Variants in ATP8A2 observed in about 807,000 individuals in gnomAD.
ATP8A2 encodes the protein ATPase phospholipid transporting 8A2, also known as phospholipid-transporting ATPase IB.
Under a neutral mutation model 165.6 loss-of-function variants are expected in ATP8A2, and 100 were observed. That is an observed-to-expected ratio of 0.60 (90% CI 0.51 to 0.71). The LOEUF is 0.71. Among genes scored for constraint, ATP8A2 ranks in the 30% least tolerant of loss-of-function variants. ATP8A2 has a pLI of 0.00. For missense variants in ATP8A2, 1,227 were observed against 1,479.5 expected (o/e 0.83, Z 2.80); for synonymous variants, 543 against 548.8 (o/e 0.99, Z 0.15).
At chr13:25,407,625 G>A (rs1462936548) in intron 1 of ATP8A2, among the ~76,000 whole-genome samples, 1 of 152,196 alleles carries the variant, frequency 6.6e-6, no homozygotes, top group Non-Finnish European at 1.5e-5. Context: ...ATTTGATTTT[G>A]AGGAGGATTA....
chr13:25,404,049 C>G (rs2033721330), intron 1 of ATP8A2, among the ~76,000 whole-genome samples: 1 of 152,154 alleles, frequency 6.6e-6, no homozygotes, highest in Non-Finnish European at 1.5e-5. Flanking sequence ...TGTACTGGTG[C>G]ATTAGGTATA....
chr13:25,420,947 T>C (rs1047246424), intron 1 of ATP8A2, among the ~76,000 whole-genome samples: 2 of 152,220 alleles, frequency 1.3e-5, no homozygotes, highest in Non-Finnish European at 2.9e-5. Flanking sequence ...AAGAAATTAC[T>C]TCCATGGGAT....
intron 33 of ATP8A2, among the ~76,000 whole-genome samples, chr13:25,903,671 G>A (rs533123707): frequency 5.3e-5 from 8 of 152,168 alleles, no homozygotes; most frequent in Non-Finnish European, 8.8e-5. Context: ...TTGTCTTTAG[G>A]TTCTGAACTT....
intron 2 of ATP8A2, among the ~76,000 whole-genome samples, chr13:25,515,083 G>A (rs1355696231): frequency 6.6e-6 from 1 of 152,204 alleles, no homozygotes; most frequent in Non-Finnish European, 1.5e-5. Context: ...GCCCTGACCA[G>A]AACAACCCTC....
chr13:25,424,320 T>C (rs2034381904), intron 1 of ATP8A2, among the ~76,000 whole-genome samples: 1 of 152,246 alleles, frequency 6.6e-6, no homozygotes, highest in African/African-American at 2.4e-5. Context: ...TCCTTTCTTC[T>C]ATAGCAGATC....
intron 24 of ATP8A2, among the ~76,000 whole-genome samples, chr13:25,669,491 C>T (rs2042220611): frequency 1.3e-5 from 2 of 152,230 alleles, no homozygotes; most frequent in African/African-American, 4.8e-5. Context: ...CCTTAGCCTT[C>T]ACCTCCTGCT....
chr13:25,493,339 T>C (rs2036581150), intron 2 of ATP8A2, among the ~76,000 whole-genome samples: 1 of 152,256 alleles, frequency 6.6e-6, no homozygotes, highest in Admixed American at 6.5e-5. Context: ...TGACTACTCA[T>C]AACTTTGTTT....
chr13:25,591,010 C>T (rs2040058570), intron 24 of ATP8A2, among the ~76,000 whole-genome samples: 1 of 152,110 alleles, frequency 6.6e-6, no homozygotes. Context: ...GGTCATACCT[C>T]ATCTCCTGGA....
chr13:25,814,032 T>G (rs1045764320), intron 27 of ATP8A2, among the ~76,000 whole-genome samples: 1 of 152,080 alleles, frequency 6.6e-6, no homozygotes, highest in African/African-American at 2.4e-5. Context: ...TCTTGGGACC[T>G]GCCCACCTTT....
At chr13:25,376,066 T>C (rs184124342) in intron 1 of ATP8A2, among the ~76,000 whole-genome samples, 77 of 152,220 alleles carry the variant, frequency 5.1e-4, no homozygotes, top group Admixed American at 1.5e-3. Flanking sequence ...GAGAATGTAA[T>C]AGCTGGAGGA....
At chr13:25,876,121 T>C (rs1952814037) in intron 33 of ATP8A2, among the ~76,000 whole-genome samples, 1 of 152,138 alleles carries the variant, frequency 6.6e-6, no homozygotes, top group Non-Finnish European at 1.5e-5. Flanking sequence ...CCAATAAATC[T>C]GGGATGATTT....
At chr13:25,699,421 C>T in intron 25 of ATP8A2, 76 bp downstream of exon 25, 1 of 1,135,276 alleles carries the variant, frequency 8.8e-7, no homozygotes, top group Non-Finnish European at 1.2e-6. Flanking sequence ...GAAAGGGATG[C>T]ATGGGAATTC....
At chr13:25,797,980 A>T (rs1017319298) in intron 27 of ATP8A2, among the ~76,000 whole-genome samples, 8 of 152,230 alleles carry the variant, frequency 5.3e-5, no homozygotes, top group Non-Finnish European at 1.0e-4. Context: ...TGAATCTTAA[A>T]TTCTTAATTT....
At chr13:25,952,477 C>T (rs551960338) in intron 33 of ATP8A2, among the ~76,000 whole-genome samples, 1 of 151,978 alleles carries the variant, frequency 6.6e-6, no homozygotes, top group South Asian at 2.1e-4. Flanking sequence ...AACTCTTGAG[C>T]CCAAGCGATC....
intron 1 of ATP8A2, among the ~76,000 whole-genome samples, chr13:25,451,852 G>GTTTTTTTTTTTT (rs67427237): frequency 6.8e-6 from 1 of 146,800 alleles, no homozygotes; most frequent in Non-Finnish European, 1.5e-5. Context: ...TACCTTCATG[G>GTTTTTTTTTTTT]TTTTTTTTTT....
chr13:26,001,812 T>G (rs1289111307), intron 35 of ATP8A2, among the ~76,000 whole-genome samples: 3 of 152,194 alleles, frequency 2.0e-5, no homozygotes, highest in African/African-American at 7.2e-5. Context: ...TCTCCCATTT[T>G]GTAGTTGTCT....
intron 28 of ATP8A2, among the ~76,000 whole-genome samples, chr13:25,830,998 A>G (rs780560742): frequency 2.0e-5 from 3 of 152,160 alleles, no homozygotes; most frequent in Non-Finnish European, 4.4e-5. Flanking sequence ...TGCCCTATTT[A>G]GCAACTTTTC....
intron 2 of ATP8A2, among the ~76,000 whole-genome samples, chr13:25,524,652 T>C (rs1366194535): frequency 6.6e-6 from 1 of 152,118 alleles, no homozygotes; most frequent in Non-Finnish European, 1.5e-5. Flanking sequence ...AATCCTACTA[T>C]TTTTTGGTTT....
In ATP8A2 at chr13:25,738,344, C is replaced by T. The variant is rs868655526; in HGVS notation, c.2385-30702C>T. Among the ~76,000 whole-genome samples the T allele has an allele frequency of 2.6e-3, 320 of 121,822 alleles. 2 individuals are homozygous for T. The highest frequency in any genetic ancestry group is 9.2e-3 in the African/African-American group (281 of 30,668). 79.9% of individuals were successfully genotyped at this position (121,822 alleles called of 152,430 possible). On this transcript the variant is annotated intron_variant, in intron 25 of 36. Transcript: ENST00000381655. ...TTTTTTCTTTTTGTGCCCCCCTCCC[C>T]CCCCCCCACACACACTTCTTCTGGT...
Sources: gnomAD v4.1 joint callset for allele counts (sites outside exome capture counted in the v4.1 genomes callset) on GRCh38, gnomAD v4.1.1 for gene constraint, MANE v1.5 for transcripts, NCBI Gene and HGNC (gene_info 2026-07-23, HGNC 2026-07-21) for gene names.